The following SLC14A2 variants were observed in gnomAD, a reference collection of about 807,000 sequenced individuals.
SLC14A2 encodes solute carrier family 14 member 2, also known as urea transporter 2.
In SLC14A2, 91 loss-of-function variants were observed where a neutral mutation model predicts 104.6. The ratio of observed to expected loss-of-function variants is 0.87; its 90% confidence interval spans 0.73 to 1.04. The LOEUF (loss-of-function observed/expected upper bound fraction) is 1.04, where lower values mean the gene tolerates loss of function less well. SLC14A2 is among the 50% of genes least tolerant of loss of function. The probability of loss-of-function intolerance (pLI) is 0.00; values close to 1 mark genes in which losing one functional copy is unlikely to be tolerated. For missense variants in SLC14A2, 1,189 were observed against 1,156.0 expected, an observed-to-expected ratio of 1.03 and a Z score of -0.41; for synonymous variants, 476 against 466.4, an observed-to-expected ratio of 1.02 and a Z score of -0.27.
intron 2 of SLC14A2, among the ~76,000 whole-genome samples, chr18:45,489,683 A>G (rs2087682952): frequency 6.6e-6 from 1 of 152,186 alleles, no homozygotes. Flanking sequence ...GCCCATCAAC[A>G]TAATAATTCT....
At position 45,666,061 on chromosome 18, in the gene SLC14A2, C is replaced by A; in HGVS notation, c.1475-76C>A. ...CTGCATAATCTTAACACCTCTTGAGCCTTGCAGGACATTAGCTTCTGAGGT... is the reference window on the plus strand; with the variant it reads ...CTGCATAATCTTAACACCTCTTGAGACTTGCAGGACATTAGCTTCTGAGGT... On this transcript the variant is annotated intron_variant, in intron 11 of 19. Transcript: ENST00000255226. 2.0e-6 allele frequency: 2 copies of A among 992,968 alleles called. 1 individual carries two copies. The highest frequency in any genetic ancestry group is 2.6e-5 in the South Asian group (2 of 77,886). 61.5% of individuals were successfully genotyped at this position (992,968 alleles called of 1,614,324 possible).
chr18:45,275,999 A>G (rs1017953626), intron 1 of SLC14A2, among the ~76,000 whole-genome samples: 5 of 152,260 alleles, frequency 3.3e-5, no homozygotes, highest in African/African-American at 1.2e-4. Flanking sequence ...ATTTGAGCAG[A>G]GATCTAAGTC....
Position 45,667,109 on chromosome 18 carries a change from G to A in SLC14A2, c.1717+15G>A. 1 of 1,607,610 alleles carries A rather than the reference G, an allele frequency of 6.2e-7. No individual in the cohort carries two copies. The highest frequency in any genetic ancestry group is 1.8e-4 in the Middle Eastern group (1 of 5,414). On this transcript the variant is annotated intron_variant, in intron 13 of 19. Transcript: ENST00000255226. ...GGGACTTAAAGGTAAAATTCTATGAGAACAACACTGACCCTGACCCTAAAA... is the reference window on the plus strand; with the variant it reads ...GGGACTTAAAGGTAAAATTCTATGAAAACAACACTGACCCTGACCCTAAAA...
intron 2 of SLC14A2, among the ~76,000 whole-genome samples, chr18:45,571,898 A>AGTT (rs1158336028): frequency 6.6e-6 from 1 of 152,244 alleles, no homozygotes; most frequent in Non-Finnish European, 1.5e-5. Flanking sequence ...CTGTACCTAC[A>AGTT]GTTATACCTG....
chr18:45,643,252 G>T, intron 9 of SLC14A2, 71 bp downstream of exon 9: 2 of 1,390,258 alleles, frequency 1.4e-6, no homozygotes, highest in Non-Finnish European at 2.0e-6. Context: ...TGGGGTTGTG[G>T]GGTCTGGGAA....
chr18:45,653,414 G>A (rs991753600), intron 10 of SLC14A2, among the ~76,000 whole-genome samples: 2 of 152,238 alleles, frequency 1.3e-5, no homozygotes, highest in African/African-American at 4.8e-5. Flanking sequence ...TTTCCTCAGA[G>A]TGAGGTTTTG....
At chr18:45,581,507 C>G (rs1223658767) in intron 2 of SLC14A2, among the ~76,000 whole-genome samples, 1 of 152,138 alleles carries the variant, frequency 6.6e-6, no homozygotes, top group Non-Finnish European at 1.5e-5. Context: ...CTCACCACAC[C>G]AAGTGCATTG....
intron 1 of SLC14A2, among the ~76,000 whole-genome samples, chr18:45,317,053 C>G (rs1048134235): frequency 6.6e-6 from 1 of 152,222 alleles, no homozygotes; most frequent in Non-Finnish European, 1.5e-5. Context: ...TTAGGTCCAG[C>G]TGATTCCAAA....
At position 45,546,571 on chromosome 18, in the gene SLC14A2, G is replaced by A. The variant is rs113891144; in HGVS notation, c.-35+63249G>A. ...CCTAGCTATGGAAAGGAAGCCTGTG[G>A]GCAATTCTTTCACAAAAAGTGTATC... On this transcript the variant is annotated intron_variant, in intron 2 of 20. Coordinates refer to the SLC14A2 transcript ENST00000586448. 1.8e-3 allele frequency among the ~76,000 whole-genome samples: 274 copies of A among 152,292 alleles called. 1 individual carries two copies. The highest frequency in any genetic ancestry group is 6.3e-3 in the African/African-American group (260 of 41,544).
chr18:45,238,231 A>C (rs1238221889), intron 1 of SLC14A2, among the ~76,000 whole-genome samples: 1 of 152,222 alleles, frequency 6.6e-6, no homozygotes, highest in Non-Finnish European at 1.5e-5. Flanking sequence ...CATTCTTATA[A>C]CAGGCTTTTA....
At chr18:45,366,428 T>C (rs1000889693) in intron 1 of SLC14A2, among the ~76,000 whole-genome samples, 1 of 152,138 alleles carries the variant, frequency 6.6e-6, no homozygotes, top group Non-Finnish European at 1.5e-5. Context: ...GGCACCAGTG[T>C]TCTCATGCTG....
At chr18:45,562,494 A>C (rs1292576472) in intron 2 of SLC14A2, among the ~76,000 whole-genome samples, 1 of 152,182 alleles carries the variant, frequency 6.6e-6, no homozygotes, top group Non-Finnish European at 1.5e-5. Context: ...GGGGGACAGC[A>C]GGAGCAAGTG....
chr18:45,603,237 C>T (rs1368831605), intron 2 of SLC14A2, among the ~76,000 whole-genome samples: 1 of 152,040 alleles, frequency 6.6e-6, no homozygotes, highest in East Asian at 1.9e-4. Context: ...CAGGTGATCC[C>T]CAATCACAGC....
chr18:45,188,823 G>T, the SLC14A2 span, among the ~76,000 whole-genome samples: 1 of 152,176 alleles, frequency 6.6e-6, no homozygotes, highest in South Asian at 2.1e-4. Flanking sequence ...AAAGTCAAAA[G>T]TTATTTGGAC....
intron 1 of SLC14A2, among the ~76,000 whole-genome samples, chr18:45,363,634 A>C (rs949116296): frequency 1.3e-5 from 2 of 152,220 alleles, no homozygotes; most frequent in African/African-American, 4.8e-5. Flanking sequence ...AAGTTTGCTG[A>C]ATATCAATGA....
chr18:45,436,594 T>C (rs2086600503), intron 1 of SLC14A2: 2 of 152,194 alleles, frequency 1.3e-5, no homozygotes, highest in African/African-American at 4.8e-5. Context: ...AACAGTGAAC[T>C]GACCAGGAAA....
chr18:45,573,606 A>G (rs1273141796), intron 2 of SLC14A2, among the ~76,000 whole-genome samples: 3 of 152,258 alleles, frequency 2.0e-5, no homozygotes, highest in Non-Finnish European at 2.9e-5. Flanking sequence ...ATTAGAAACA[A>G]TTCATTAAAA....
At chr18:45,437,929 G>C (rs1379119957) in intron 1 of SLC14A2, among the ~76,000 whole-genome samples, 1 of 152,108 alleles carries the variant, frequency 6.6e-6, no homozygotes, top group African/African-American at 2.4e-5. Context: ...TCTTCCAAAG[G>C]CCTAGAAATC....
intron 1 of SLC14A2, among the ~76,000 whole-genome samples, chr18:45,348,769 G>A (rs770411279): frequency 3.3e-5 from 5 of 152,102 alleles, no homozygotes; most frequent in Non-Finnish European, 4.4e-5. Context: ...TGGCTTGCCC[G>A]GGACAACACT....
Sources: allele counts gnomAD v4.1 joint callset (sites outside exome capture counted in the v4.1 genomes callset), GRCh38; gene constraint gnomAD v4.1.1; transcripts MANE v1.5; gene names NCBI Gene and HGNC (gene_info 2026-07-23, HGNC 2026-07-21).